Variants in MAN2A1 observed in about 807,000 individuals in gnomAD.
The protein encoded by MAN2A1 is mannosidase alpha class 2A member 1, also known as alpha-mannosidase 2.
A neutral mutation model predicts 142.6 loss-of-function variants in MAN2A1; 76 were observed. The ratio of observed to expected loss-of-function variants is 0.53; its 90% CI spans 0.44 to 0.65. MAN2A1 has a LOEUF of 0.65. MAN2A1 is among the 30% of genes least tolerant of loss of function. The pLI, the probability that MAN2A1 is intolerant of heterozygous loss-of-function variation, is 0.00. For missense variants in MAN2A1, 1,311 were observed against 1,365.1 expected (o/e 0.96, Z 0.62); for synonymous variants, 559 against 473.2 (o/e 1.18, Z -2.35).
rs11351742 is a variant in MAN2A1, at chr5:109,867,157, G to GA, written c.*180dup. On this transcript the variant is annotated 3_prime_UTR_variant, in exon 22 of 22. Coordinates refer to ENST00000261483, the MANE Select transcript of MAN2A1 (RefSeq NM_002372.4). ...CTTTTTTCTTTTACCAGTACAGTAA[G>GA]AAAAAAAAAAAAAAAAAAAAAGCCA... 1,018 of 93,810 alleles carry GA rather than the reference G, an allele frequency of 0.011. 15 individuals are homozygous for GA. Among genetic ancestry groups the GA allele is most frequent in the African/African-American group, 0.019 (453 of 24,228 alleles). 5.8% of individuals were successfully genotyped at this position (93,810 alleles called of 1,614,324 possible). A position where few individuals can be genotyped will look rare whatever the true frequency, so the allele number is the denominator to read the frequency against.
intron 10 of MAN2A1, among the ~76,000 whole-genome samples, chr5:109,787,814 TTAG>T (rs200938935): frequency 0.018 from 2,797 of 151,996 alleles, 33 homozygotes; most frequent in Middle Eastern, 0.071. Flanking sequence ...GTATGGTGTT[TTAG>T]TATGGTGAAA....
chr5:109,711,880 G>T (rs1020819746), intron 1 of MAN2A1, among the ~76,000 whole-genome samples: 2 of 143,278 alleles, frequency 1.4e-5, no homozygotes, highest in African/African-American at 5.4e-5. Context: ...GATGACAATT[G>T]CCTTTAAAGG....
intron 12 of MAN2A1, among the ~76,000 whole-genome samples, chr5:109,795,200 C>T (rs897505466): frequency 3.9e-5 from 6 of 152,038 alleles, no homozygotes; most frequent in African/African-American, 1.4e-4. Context: ...CACAGGATTA[C>T]ATTTTGCCTA....
intron 19 of MAN2A1, 60 bp downstream of exon 19, chr5:109,847,850 A>C: frequency 1.6e-6 from 2 of 1,274,286 alleles, no homozygotes. Flanking sequence ...CAAAACTTGA[A>C]ATTATGACTT....
chr5:109,826,272 A>G (rs1183513278), intron 16 of MAN2A1, among the ~76,000 whole-genome samples: 1 of 152,110 alleles, frequency 6.6e-6, no homozygotes, highest in Non-Finnish European at 1.5e-5. Context: ...GTTCTCGGGC[A>G]TATGAAAAAA....
chr5:109,802,402 A>G (rs546797942), intron 12 of MAN2A1, among the ~76,000 whole-genome samples: 2 of 152,278 alleles, frequency 1.3e-5, no homozygotes, highest in South Asian at 4.1e-4. Flanking sequence ...TTACTACCAA[A>G]TGAGTTATAA....
chr5:109,737,092 C>CTTTTTTT (rs10686903), intron 4 of MAN2A1, among the ~76,000 whole-genome samples: 2 of 112,148 alleles, frequency 1.8e-5, no homozygotes, highest in Non-Finnish European at 1.7e-5. Context: ...ACTGTATACT[C>CTTTTTTT]TTTTTTTTTT....
rs372428550 is a variant in MAN2A1, at chr5:109,721,230, C to T, written c.535+4966C>T. Among the ~76,000 whole-genome samples the T allele has an allele frequency of 1.1e-4, 16 of 152,260 alleles. No homozygotes were observed. The East Asian group carries it at 1.5e-3, about 15-fold the overall frequency. On this transcript the variant is annotated intron_variant, in intron 3 of 21. Coordinates refer to ENST00000261483, the MANE Select transcript of MAN2A1 (RefSeq NM_002372.4). ...GCTCAGGATTGCCTGATTGTAAAAT[C>T]TGTGTTTTTTCCATTTACCTCTTTT...
chr5:109,741,228 T>C (rs1752259215), intron 4 of MAN2A1, among the ~76,000 whole-genome samples: 1 of 152,204 alleles, frequency 6.6e-6, no homozygotes. Flanking sequence ...TGCAGATGAA[T>C]TCTGTTTCTG....
At chr5:109,728,610 T>G (rs1751813271) in intron 3 of MAN2A1, among the ~76,000 whole-genome samples, 1 of 152,182 alleles carries the variant, frequency 6.6e-6, no homozygotes, top group East Asian at 1.9e-4. Context: ...AGATAAAATT[T>G]CCAGGATATT....
At chr5:109,839,647 C>CTT (rs1217076463) in intron 16 of MAN2A1, among the ~76,000 whole-genome samples, 14 of 131,208 alleles carry the variant, frequency 1.1e-4, no homozygotes, top group Non-Finnish European at 1.3e-4. Flanking sequence ...CCCTGTCTCT[C>CTT]TCTTTTTTTT....
In MAN2A1 at chr5:109,869,033, G is replaced by C. The variant is rs980285667; in HGVS notation, c.*2035G>C. The C allele has an allele frequency of 6.6e-6, 1 of 152,212 alleles. No homozygotes were observed. Among genetic ancestry groups the C allele is most frequent in the Non-Finnish European group, 1.5e-5 (1 of 68,044 alleles). 9.4% of individuals were successfully genotyped at this position (152,212 alleles called of 1,614,324 possible). On this transcript the variant is annotated 3_prime_UTR_variant, in exon 22 of 22. Transcript: ENST00000261483. ...GTCAGTCTGGGGTTTTATTCAGCTT[G>C]TGTTGCTACCAGCAGTTCACAGGTA...
chr5:109,774,745 C>G (rs181963075), intron 7 of MAN2A1, 43 bp from the exon 8 acceptor site: 1 of 1,475,790 alleles, frequency 6.8e-7, no homozygotes, highest in African/African-American at 1.4e-5. Flanking sequence ...TTTTCTTAGT[C>G]AAATTCATAT....
At position 109,767,788 on chromosome 5, in the gene MAN2A1, G is replaced by A. The variant is rs1402631332; in HGVS notation, c.1009+80G>A. On this transcript the variant is annotated intron_variant, in intron 6 of 21. Coordinates refer to ENST00000261483, the MANE Select transcript of MAN2A1 (RefSeq NM_002372.4). The stretch of plus-strand genomic sequence containing the variant: ...GGGTTATGAACTCATGCCACTGTGG[G>A]TTTTGTTCACTGTCAGTCTTGAAAA... 7 of 1,213,338 alleles carry A rather than the reference G, an allele frequency of 5.8e-6. No homozygotes were observed. The Admixed American group carries it at 1.5e-4, about 25-fold the overall frequency. The allele number at this position is 1,213,338 out of a possible 1,614,324, so 75.2% of individuals were successfully genotyped here. A position where few individuals can be genotyped will look rare whatever the true frequency, so the allele number is the denominator to read the frequency against.
chr5:109,757,227 A>C (rs1349712927), intron 5 of MAN2A1, among the ~76,000 whole-genome samples: 1 of 152,096 alleles, frequency 6.6e-6, no homozygotes, highest in Non-Finnish European at 1.5e-5. Context: ...CTCTCTACAC[A>C]ATGCCCTTTT....
Position 109,847,742 on chromosome 5 carries a change from A to G in MAN2A1, c.2928A>G (p.Thr976=), listed in dbSNP as rs1339396295. The G allele has an allele frequency of 1.3e-6, 2 of 1,598,128 alleles. No homozygotes were observed. The highest frequency in any genetic ancestry group is 8.5e-7 in the Non-Finnish European group (1 of 1,172,160). The change falls in exon 19 of 22, where the codon ACA becomes ACG. Residue 976 remains threonine (T), a synonymous_variant. Transcript: ENST00000261483. ...AAGGTATCCAGGATAACAAGATTAC[A>G]GCTAATCTATTTCGAATACTACTAG... ...LEQGIQDNKI[T]ANLFRILLEK...
chr5:109,760,436 A>C (rs574962663), intron 5 of MAN2A1, among the ~76,000 whole-genome samples: 1 of 152,170 alleles, frequency 6.6e-6, no homozygotes, highest in African/African-American at 2.4e-5. Flanking sequence ...TAGTGCTGCA[A>C]TAAACATACA....
Position 109,849,027 on chromosome 5 carries a change from T to G in MAN2A1, c.2976+1237T>G, listed in dbSNP as rs147031902. 6.0e-3 allele frequency among the ~76,000 whole-genome samples: 919 copies of G among 152,356 alleles called. 10 individuals carry two copies. The highest frequency in any genetic ancestry group is 0.021 in the African/African-American group (872 of 41,588). ...CATCTTACTTCACCTTTCAGCAGTATTTGGCACTGGCCATTGTCACTCTCT... is the reference window on the plus strand; with the variant it reads ...CATCTTACTTCACCTTTCAGCAGTAGTTGGCACTGGCCATTGTCACTCTCT... On this transcript the variant is annotated intron_variant, in intron 19 of 21. Coordinates refer to ENST00000261483, the MANE Select transcript of MAN2A1 (RefSeq NM_002372.4).
intron 3 of MAN2A1, among the ~76,000 whole-genome samples, chr5:109,722,042 G>T (rs1474416708): frequency 6.6e-6 from 1 of 152,182 alleles, no homozygotes; most frequent in Non-Finnish European, 1.5e-5. Flanking sequence ...GCAGGGCTAG[G>T]TTTGAAATCA....
Sources: gnomAD v4.1 joint callset for allele counts (sites outside exome capture counted in the v4.1 genomes callset) on GRCh38, gnomAD v4.1.1 for gene constraint, MANE v1.5 for transcripts, NCBI Gene and HGNC (gene_info 2026-07-23, HGNC 2026-07-21) for gene names.